Variants in IQCM observed in about 807,000 individuals in gnomAD.
The protein encoded by IQCM is IQ domain-containing protein M.
Under a neutral mutation model 57.6 loss-of-function variants are expected in IQCM, and 45 were observed. That is an observed-to-expected ratio of 0.78 (90% confidence interval 0.62 to 1.00). The LOEUF (loss-of-function observed/expected upper bound fraction) is 1.00. Ranked by LOEUF, IQCM falls within the 50% of genes least tolerant of loss-of-function variation. The pLI, the probability that IQCM is intolerant of heterozygous loss-of-function variation, is 0.00. For synonymous variants in IQCM, 148 were observed against 158.9 expected (o/e 0.93, Z 0.51); for missense variants, 468 against 511.6 (o/e 0.91, Z 0.82).
intron 12 of IQCM, among the ~76,000 whole-genome samples, chr4:149,519,789 G>A (rs577693052): frequency 6.6e-6 from 1 of 151,948 alleles, no homozygotes; most frequent in African/African-American, 2.4e-5. Context: ...TGGATCACGA[G>A]GTCAGGAGAT....
intron 12 of IQCM, among the ~76,000 whole-genome samples, chr4:149,499,070 T>C (rs1388723697): frequency 6.6e-6 from 1 of 152,198 alleles, no homozygotes; most frequent in East Asian, 1.9e-4. Flanking sequence ...TTACAAGTGA[T>C]ATATAAATAG....
intron 7 of IQCM, among the ~76,000 whole-genome samples, chr4:149,673,385 G>A (rs1371814955): frequency 1.6e-4 from 24 of 152,106 alleles, no homozygotes; most frequent in Admixed American, 1.0e-3. Flanking sequence ...CCCATCTCAC[G>A]TGCAGAGACA....
chr4:149,643,678 C>T (rs144038928), intron 7 of IQCM, among the ~76,000 whole-genome samples: 126 of 152,230 alleles, frequency 8.3e-4, no homozygotes, highest in African/African-American at 2.8e-3. Flanking sequence ...AAAACCCAGT[C>T]AAAACCCAGA....
At chr4:149,489,878 T>C (rs1741909464) in intron 12 of IQCM, among the ~76,000 whole-genome samples, 1 of 151,892 alleles carries the variant, frequency 6.6e-6, no homozygotes, top group Non-Finnish European at 1.5e-5. Flanking sequence ...AATAAATATA[T>C]TATTGAGAAG....
chr4:149,589,470 T>C (rs1254979461), intron 8 of IQCM, among the ~76,000 whole-genome samples: 1 of 152,016 alleles, frequency 6.6e-6, no homozygotes, highest in Admixed American at 6.6e-5. Flanking sequence ...AGTGTGTTTA[T>C]CCTGCAAAAA....
At chr4:149,509,266 CTTTTTCT>C (rs1055652442) in intron 12 of IQCM, among the ~76,000 whole-genome samples, 27 of 152,000 alleles carry the variant, frequency 1.8e-4, no homozygotes, top group African/African-American at 5.1e-4. Flanking sequence ...TTAGATTTGA[CTTTTTCT>C]TTTTTCTTTT....
At chr4:149,744,537 A>C (rs1227507978) in intron 2 of IQCM, among the ~76,000 whole-genome samples, 1 of 152,150 alleles carries the variant, frequency 6.6e-6, no homozygotes, top group Non-Finnish European at 1.5e-5. Context: ...CTGTCCTTTT[A>C]ATGCAAAAAA....
At chr4:149,540,561 G>A (rs1747750744) in intron 12 of IQCM, among the ~76,000 whole-genome samples, 2 of 151,888 alleles carry the variant, frequency 1.3e-5, no homozygotes, top group South Asian at 4.2e-4. Context: ...AAAATAGAAT[G>A]AAAAGTCAAA....
intron 12 of IQCM, among the ~76,000 whole-genome samples, chr4:149,507,522 G>A (rs986437429): frequency 2.0e-5 from 3 of 152,222 alleles, no homozygotes; most frequent in Middle Eastern, 3.2e-3. Context: ...TTTTAGCAAA[G>A]AGACTGGTGG....
intron 13 of IQCM, among the ~76,000 whole-genome samples, chr4:149,397,687 CA>C (rs923739070): frequency 6.6e-6 from 1 of 151,976 alleles, no homozygotes; most frequent in Non-Finnish European, 1.5e-5. Context: ...TGGACTAATA[CA>C]ACAATTTTTT....
chr4:149,399,520 T>C (rs1371990166), intron 13 of IQCM, among the ~76,000 whole-genome samples: 1 of 152,090 alleles, frequency 6.6e-6, no homozygotes, highest in Admixed American at 6.6e-5. Flanking sequence ...CTGCCTCAAA[T>C]AGCAACAAAA....
intron 8 of IQCM, among the ~76,000 whole-genome samples, chr4:149,593,504 G>A (rs1229510411): frequency 6.6e-6 from 1 of 152,098 alleles, no homozygotes; most frequent in Non-Finnish European, 1.5e-5. Context: ...TTGAATAAGA[G>A]TGGTGAGAGA....
intron 13 of IQCM, among the ~76,000 whole-genome samples, chr4:149,416,623 A>G (rs1002933184): frequency 2.6e-5 from 4 of 152,080 alleles, no homozygotes; most frequent in Non-Finnish European, 5.9e-5. Flanking sequence ...TGGAGGACAC[A>G]CCTGTAAACA....
intron 5 of IQCM, among the ~76,000 whole-genome samples, chr4:149,703,501 AGG>A (rs1472660895): frequency 6.6e-6 from 1 of 151,926 alleles, no homozygotes; most frequent in East Asian, 1.9e-4. Flanking sequence ...TACAGACAAT[AGG>A]CCAACATCTT....
At chr4:149,420,031 T>C (rs1434779548) in intron 13 of IQCM, among the ~76,000 whole-genome samples, 1 of 152,172 alleles carries the variant, frequency 6.6e-6, no homozygotes, top group African/African-American at 2.4e-5. Context: ...GGAATCTTTT[T>C]ACACTGTTGG....
At chr4:149,731,839 C>T (rs1228983807) in intron 5 of IQCM, among the ~76,000 whole-genome samples, 1 of 151,676 alleles carries the variant, frequency 6.6e-6, no homozygotes, top group Non-Finnish European at 1.5e-5. Context: ...CAATACGAAT[C>T]TCCAATAAGG....
intron 9 of IQCM, among the ~76,000 whole-genome samples, chr4:149,569,340 C>T (rs532002874): frequency 6.6e-6 from 1 of 152,102 alleles, no homozygotes; most frequent in Non-Finnish European, 1.5e-5. Context: ...TCTGTCAAGT[C>T]GTGACATTAG....
intron 7 of IQCM, among the ~76,000 whole-genome samples, chr4:149,631,409 T>A (rs1351993730): frequency 6.6e-6 from 1 of 152,120 alleles, no homozygotes; most frequent in African/African-American, 2.4e-5. Context: ...GACTCCAACA[T>A]AAAAATAAAA....
intron 7 of IQCM, among the ~76,000 whole-genome samples, chr4:149,680,793 C>A (rs539096269): frequency 1.1e-4 from 17 of 151,598 alleles, no homozygotes; most frequent in Admixed American, 3.3e-4. Context: ...TCATAATAAT[C>A]TGTAGCTAAT....
Sources: allele counts gnomAD v4.1 joint callset (sites outside exome capture counted in the v4.1 genomes callset), GRCh38; gene constraint gnomAD v4.1.1; transcripts MANE v1.5; gene names NCBI Gene and HGNC (gene_info 2026-07-23, HGNC 2026-07-21).